The following MCF2L variants were observed in gnomAD, a reference collection of about 807,000 sequenced individuals.
MCF2L encodes the protein MCF.2 cell line derived transforming sequence like, also known as guanine nucleotide exchange factor DBS.
In MCF2L, 97 loss-of-function variants were observed where a neutral mutation model predicts 153.4. The observed-to-expected ratio is 0.63, with a 90% CI of 0.54 to 0.75. MCF2L has a LOEUF of 0.75. Among genes scored for constraint, MCF2L ranks in the 30% least tolerant of loss-of-function variants. The pLI is 0.00. For missense variants in MCF2L, 1,347 were observed against 1,495.2 expected, an observed-to-expected ratio of 0.90 and a Z score of 1.64; for synonymous variants, 659 against 632.2, an observed-to-expected ratio of 1.04 and a Z score of -0.64.
chr13:112,915,358 G>C (rs961387543), intron 2 of MCF2L, among the ~76,000 whole-genome samples: 1 of 135,972 alleles, frequency 7.4e-6, no homozygotes, highest in Admixed American at 8.1e-5. Context: ...GCAGTGAGCT[G>C]AGATTGCGCC....
intron 1 of MCF2L, among the ~76,000 whole-genome samples, chr13:112,975,084 G>A (rs773056994): frequency 4.6e-5 from 7 of 152,170 alleles, no homozygotes; most frequent in African/African-American, 7.2e-5. Flanking sequence ...TCTACCCTTC[G>A]GATTAACTCA....
rs935738101 is a variant in MCF2L at position 112,914,499 on chromosome 13, C to G, written c.169+12128C>G. ...TGTACTGGTGTATGGATCTCACATT[C>G]CCAGAGGCTGAGTGAAAGAATAAAG... On this transcript the variant is annotated intron_variant, in intron 2 of 29. Transcript: ENST00000375608. 2.6e-4 allele frequency among the ~76,000 whole-genome samples: 40 copies of G among 152,220 alleles called. 1 individual carries two copies. The highest frequency in any genetic ancestry group is 7.3e-5 in the Non-Finnish European group (5 of 68,036).
intron 26 of MCF2L, 179 bp downstream of exon 26, chr13:113,089,907 C>G (rs774132461): frequency 1.1e-5 from 17 of 1,604,404 alleles, no homozygotes; most frequent in Non-Finnish European, 1.3e-5. Context: ...GCCCCTCCCT[C>G]TCCATTGCTC....
At chr13:113,057,692 GTGTT>G (rs1342420587) in intron 4 of MCF2L, among the ~76,000 whole-genome samples, 75 of 143,124 alleles carry the variant, frequency 5.2e-4, no homozygotes, top group African/African-American at 1.6e-3. Context: ...TGGGTGCTGA[GTGTT>G]TGGGTGCTGA....
chr13:113,016,274 G>A (rs2084508528), intron 2 of MCF2L, among the ~76,000 whole-genome samples: 2 of 152,194 alleles, frequency 1.3e-5, no homozygotes, highest in Admixed American at 1.3e-4. Flanking sequence ...GGGATCCCAG[G>A]TGCAAGAAGG....
At chr13:113,093,585 C>G (rs1463317702) in intron 26 of MCF2L, 1 of 152,330 alleles carries the variant, frequency 6.6e-6, no homozygotes, top group African/African-American at 2.4e-5. Context: ...TCTGTCCTCC[C>G]CATGCCCCAC....
Position 112,992,682 on chromosome 13 carries a change from A to G in MCF2L, c.80-22081A>G, listed in dbSNP as rs558774889. On this transcript the variant is annotated intron_variant, in intron 1 of 29. Transcript: ENST00000535094. ...CCAGTCTCGTTTTTGTGAAATGGACACTGAATATTCTAGCTGGGGAAAGGT... is the reference window on the plus strand; with the variant it reads ...CCAGTCTCGTTTTTGTGAAATGGACGCTGAATATTCTAGCTGGGGAAAGGT... Among the ~76,000 whole-genome samples the G allele has an allele frequency of 1.1e-3, 170 of 152,338 alleles. 3 individuals carry two copies. The South Asian group carries it at 0.021, about 19-fold the overall frequency.
Position 112,983,467 on chromosome 13 carries a change from C to T in MCF2L, c.79+14009C>T, listed in dbSNP as rs982895561. On this transcript the variant is annotated intron_variant, in intron 1 of 29. Coordinates refer to ENST00000535094, the MANE Select transcript of MCF2L (RefSeq NM_001112732.3). The surrounding 1 kb of genome is among the most constrained non-coding windows in gnomAD (Gnocchi z 4.0). ...CATTGCCCTGCACCTCGAGGGGCAG[C>T]GGGGCTTAAGTCAAGCTCTGTAAAT... is the stretch of plus-strand genomic sequence containing the variant. Among the ~76,000 whole-genome samples, 7 of 152,182 alleles carry T rather than the reference C, an allele frequency of 4.6e-5. No homozygotes were observed. Among genetic ancestry groups the T allele is most frequent in the Non-Finnish European group, 7.4e-5 (5 of 68,026 alleles).
At chr13:112,945,100 C>A (rs948275210) in intron 2 of MCF2L, among the ~76,000 whole-genome samples, 2 of 150,668 alleles carry the variant, frequency 1.3e-5, no homozygotes, top group East Asian at 3.9e-4. Context: ...TAGGCTCAGT[C>A]TTGGTGCTCT....
chr13:112,949,561 A>C (rs1478415882), intron 2 of MCF2L, among the ~76,000 whole-genome samples: 2 of 152,358 alleles, frequency 1.3e-5, no homozygotes, highest in East Asian at 3.9e-4. Flanking sequence ...CAAGGATGCA[A>C]AGCTGGATCA....
intron 15 of MCF2L, among the ~76,000 whole-genome samples, chr13:113,079,729 G>T (rs1042898047): frequency 6.6e-6 from 1 of 151,948 alleles, no homozygotes; most frequent in Non-Finnish European, 1.5e-5. Flanking sequence ...TTGCCAAGAA[G>T]CGTCCAGGCA....
chr13:113,085,157 C>G lies in MCF2L; in HGVS notation c.2226C>G (p.Thr742=). Reference sequence around the variant, plus strand: ...TGCTGAAGCCAGTGCAGAGGATCACCAAGTACCAGCTGCTGCTCAAGGTGG... The same window carrying G: ...TGCTGAAGCCAGTGCAGAGGATCACGAAGTACCAGCTGCTGCTCAAGGTGG... The part of the protein sequence containing the change: ...SYLLKPVQRI[T]KYQLLLKEML... The change falls in exon 20 of 30, where the codon ACC becomes ACG. Residue 742 remains threonine (T), a synonymous_variant. Transcript: ENST00000535094. The G allele has an allele frequency of 6.2e-7, 1 of 1,613,482 alleles. No individual in the cohort carries two copies. Among genetic ancestry groups the G allele is most frequent in the Non-Finnish European group, 8.5e-7 (1 of 1,179,980 alleles).
chr13:113,064,482 C>G lies in MCF2L; in HGVS notation c.606+62C>G, dbSNP rs2032052072. ...CAGCTCGAGTACTTCCACAGAATCG[C>G]TCTTGCATTACAACACGGCCCTTTC... On this transcript the variant is annotated intron_variant, in intron 6 of 29. Transcript: ENST00000535094. The surrounding 1 kb of genome is among the most constrained non-coding windows in gnomAD (Gnocchi z 6.0). 9.5e-7 allele frequency: 1 copy of G among 1,050,486 alleles called. No individual in the cohort carries two copies. Among genetic ancestry groups the G allele is most frequent in the Non-Finnish European group, 1.5e-6 (1 of 679,276 alleles). The allele number at this position is 1,050,486 out of a possible 1,614,324, so 65.1% of individuals were successfully genotyped here.
At chr13:112,985,307 G>A in intron 1 of MCF2L, 3 of 438,726 alleles carry the variant, frequency 6.8e-6, no homozygotes, top group African/African-American at 4.0e-5. Context: ...GTTCAGCATA[G>A]AAAGGTCCTG....
chr13:112,992,147 C>T (rs1566700688), intron 1 of MCF2L, among the ~76,000 whole-genome samples: 1 of 152,106 alleles, frequency 6.6e-6, no homozygotes, highest in Admixed American at 6.5e-5. Flanking sequence ...CTTCAAGCTA[C>T]GTGTATGAGG....
At position 113,064,692 on chromosome 13, in the gene MCF2L, C is replaced by T. The variant is rs747600653; in HGVS notation, c.607-244C>T. The T allele has an allele frequency of 1.7e-5, 10 of 584,438 alleles. No individual in the cohort carries two copies. Among genetic ancestry groups the T allele is most frequent in the African/African-American group, 1.1e-4 (6 of 52,990 alleles). 36.2% of individuals were successfully genotyped at this position (584,438 alleles called of 1,614,324 possible). On this transcript the variant is annotated intron_variant, in intron 6 of 29. Coordinates refer to ENST00000535094, the MANE Select transcript of MCF2L (RefSeq NM_001112732.3). This position sits in a 1 kb window ranked among gnomAD's most constrained non-coding sequence, Gnocchi z 6.0. ...GGTTTGCAACACTCACTGCTCTCAA[C>T]GGGGAGAGGCAGCGCAGGCACAGGC...
At chr13:113,078,846 C>T in intron 15 of MCF2L, 107 bp downstream of exon 15, 1 of 1,026,456 alleles carries the variant, frequency 9.7e-7, no homozygotes, top group South Asian at 1.5e-5. Context: ...AAGGCTGGTG[C>T]AGAAGTCATT....
At chr13:113,024,873 C>A (rs1161423690) in intron 3 of MCF2L, 115 bp downstream of exon 3, 4 of 825,552 alleles carry the variant, frequency 4.8e-6, no homozygotes, top group Non-Finnish European at 8.0e-6. Flanking sequence ...GTGAGATTTC[C>A]CTGTCATGGG....
intron 2 of MCF2L, among the ~76,000 whole-genome samples, chr13:113,022,898 G>A (rs2084983103): frequency 6.6e-6 from 1 of 152,234 alleles, no homozygotes; most frequent in Admixed American, 6.5e-5. Flanking sequence ...AATTAACAAT[G>A]ATGAAAGGTT....
Sources: allele counts gnomAD v4.1 joint callset (sites outside exome capture counted in the v4.1 genomes callset), GRCh38; gene constraint gnomAD v4.1.1; non-coding constraint Gnocchi (gnomAD v3.1); transcripts MANE v1.5; gene names NCBI Gene and HGNC (gene_info 2026-07-23, HGNC 2026-07-21).